SLC15A5: variants seen among roughly 807,000 people sequenced by gnomAD.
The protein encoded by SLC15A5 is solute carrier family 15 member 5.
A neutral mutation model predicts 56.1 loss-of-function variants in SLC15A5; 58 were observed. The observed-to-expected ratio is 1.03, with a 90% CI of 0.84 to 1.29. The LOEUF (loss-of-function observed/expected upper bound fraction) is 1.29, where lower values mean the gene tolerates loss of function less well. Among genes scored for constraint, SLC15A5 ranks in the 50% most tolerant of loss-of-function variants. The pLI is 0.00. For missense variants in SLC15A5, 681 were observed against 672.1 expected (o/e 1.01, Z -0.15); for synonymous variants, 264 against 250.5 (o/e 1.05, Z -0.51).
At chr12:16,257,970 A>T in intron 2 of SLC15A5, 100 bp from the exon 3 acceptor site, 1 of 1,130,770 alleles carries the variant, frequency 8.8e-7, no homozygotes, top group Non-Finnish European at 1.1e-6. Context: ...CTACCAAATG[A>T]TGGCATGTTA....
At chr12:16,203,274 A>G (rs923821460) in intron 7 of SLC15A5, among the ~76,000 whole-genome samples, 5 of 152,132 alleles carry the variant, frequency 3.3e-5, no homozygotes, top group African/African-American at 1.2e-4. Flanking sequence ...TAAAAATAAC[A>G]TGCAATTTAA....
At chr12:16,255,694 A>C (rs11056842) in intron 3 of SLC15A5, among the ~76,000 whole-genome samples, 40 of 152,202 alleles carry the variant, frequency 2.6e-4, no homozygotes, top group African/African-American at 8.2e-4. Flanking sequence ...GTAAAAAAAA[A>C]CCCAAATGTC....
chr12:16,211,663 G>A (rs993058623), intron 7 of SLC15A5, among the ~76,000 whole-genome samples: 5 of 152,124 alleles, frequency 3.3e-5, no homozygotes, highest in African/African-American at 4.8e-5. Context: ...GGATAGAGTC[G>A]AAATAAGCAG....
At chr12:16,221,198 T>A (rs765799903) in intron 6 of SLC15A5, among the ~76,000 whole-genome samples, 1 of 152,226 alleles carries the variant, frequency 6.6e-6, no homozygotes, top group Admixed American at 6.5e-5. Context: ...GATCACCTAT[T>A]TTGTATATGT....
intron 5 of SLC15A5, among the ~76,000 whole-genome samples, chr12:16,238,629 CAA>C (rs36053667): frequency 1.7e-5 from 2 of 116,076 alleles, no homozygotes; most frequent in Admixed American, 9.6e-5. Flanking sequence ...GACTCCGTCT[CAA>C]AAAAAAAAAA....
At position 16,239,845 on chromosome 12, in the gene SLC15A5, T is replaced by C; in HGVS notation, c.998A>G (p.Gln333Arg). Residue 333 changes from glutamine to arginine, a missense_variant, in exon 5 of 9, where the codon CAA becomes CGA. Gln to Arg is a conservative substitution (Grantham distance 43). Coordinates refer to ENST00000344941, the MANE Select transcript of SLC15A5 (RefSeq NM_001170798.1). Reference protein sequence around the residue: ...IMQIPSGYYLQTMNSNLNLDG... With the variant: ...IMQIPSGYYLRTMNSNLNLDG... ...CAAATTCAGGTTGGAATTCATAGTTTGCAGATAATATCCTGAAGGAATCTG... is the reference window on the plus strand; with the variant it reads ...CAAATTCAGGTTGGAATTCATAGTTCGCAGATAATATCCTGAAGGAATCTG... 6.5e-7 allele frequency: 1 copy of C among 1,537,130 alleles called. No individual in the cohort carries two copies. Among genetic ancestry groups the C allele is most frequent in the South Asian group, 1.2e-5 (1 of 84,036 alleles).
intron 6 of SLC15A5, among the ~76,000 whole-genome samples, chr12:16,217,785 G>C (rs1487050300): frequency 6.6e-6 from 1 of 152,074 alleles, no homozygotes; most frequent in Non-Finnish European, 1.5e-5. Context: ...CAGGAGAGGT[G>C]CTGAGAGAGA....
intron 7 of SLC15A5, among the ~76,000 whole-genome samples, chr12:16,209,759 T>C (rs1426697218): frequency 2.0e-5 from 3 of 152,214 alleles, no homozygotes; most frequent in African/African-American, 4.8e-5. Flanking sequence ...ATCTAAAATA[T>C]AGCTTATATC....
chr12:16,224,417 C>T lies in SLC15A5; in HGVS notation c.1348G>A (p.Ala450Thr). The change falls in exon 6 of 9, where the codon GCC (alanine) becomes ACC (threonine). Residue 450 changes from alanine to threonine, a missense_variant. Ala to Thr is a moderately conservative substitution (Grantham distance 58). Transcript: ENST00000344941. ...AGTTGAAAAGGTGTTTACTCACGGG[C>T]TGGGTTTACCAGTGTTTCCGCCACT... ...LGVAETLVNPALSVISYRFVP... is the reference protein window; with the variant it reads ...LGVAETLVNPTLSVISYRFVP... 1 of 1,536,890 alleles carries T rather than the reference C, an allele frequency of 6.5e-7. No homozygotes were observed. Among genetic ancestry groups the T allele is most frequent in the Non-Finnish European group, 8.7e-7 (1 of 1,146,710 alleles).
chr12:16,266,827 G>T (rs188674972), intron 2 of SLC15A5, among the ~76,000 whole-genome samples: 82 of 152,252 alleles, frequency 5.4e-4, no homozygotes, highest in Non-Finnish European at 1.0e-4. Flanking sequence ...GAAAGCAGCA[G>T]TAAAAATATG....
intron 4 of SLC15A5, among the ~76,000 whole-genome samples, chr12:16,241,181 TAGAC>T (rs1378130500): frequency 4.6e-5 from 7 of 152,182 alleles, no homozygotes; most frequent in African/African-American, 1.7e-4. Context: ...TTGAGTGTCA[TAGAC>T]AGAAAGTCAA....
At chr12:16,203,770 C>T (rs1863986425) in intron 7 of SLC15A5, among the ~76,000 whole-genome samples, 1 of 152,078 alleles carries the variant, frequency 6.6e-6, no homozygotes. Flanking sequence ...ATAAAAATTA[C>T]ATGTACCTGA....
At chr12:16,198,732 G>A (rs772631182) in intron 7 of SLC15A5, among the ~76,000 whole-genome samples, 3 of 152,088 alleles carry the variant, frequency 2.0e-5, no homozygotes, top group Non-Finnish European at 4.4e-5. Flanking sequence ...GATTCTTAGA[G>A]CAATTTACAC....
chr12:16,211,613 C>T (rs1029011906), intron 7 of SLC15A5, among the ~76,000 whole-genome samples: 7 of 152,014 alleles, frequency 4.6e-5, no homozygotes, highest in Non-Finnish European at 7.4e-5. Context: ...GGTTTAAGTT[C>T]GAATTCATGA....
chr12:16,272,612 G>GCAC lies in SLC15A5; in HGVS notation c.530_532dup (p.Gly177dup). ...TGATCCATACTCCTGAAGGCCAAAAGCACCCAGTGGACAGACGATGGCTCT... is the reference window on the plus strand; with the variant it reads ...TGATCCATACTCCTGAAGGCCAAAAGCACCACCCAGTGGACAGACGATGGCTCT... On this transcript the variant is annotated inframe_insertion, in exon 2 of 9. Coordinates refer to ENST00000344941, the MANE Select transcript of SLC15A5 (RefSeq NM_001170798.1). The GCAC allele has an allele frequency of 2.6e-6, 4 of 1,536,948 alleles. No individual in the cohort carries two copies. The highest frequency in any genetic ancestry group is 3.5e-6 in the Non-Finnish European group (4 of 1,146,674).
chr12:16,256,554 C>G (rs1188183970), intron 3 of SLC15A5, among the ~76,000 whole-genome samples: 1 of 152,148 alleles, frequency 6.6e-6, no homozygotes, highest in Non-Finnish European at 1.5e-5. Context: ...GTTAAGATTT[C>G]TTTTTAAAAA....
At chr12:16,245,559 G>A (rs895654985) in intron 3 of SLC15A5, among the ~76,000 whole-genome samples, 1 of 152,090 alleles carries the variant, frequency 6.6e-6, no homozygotes, top group Non-Finnish European at 1.5e-5. Context: ...ACTCCATTAG[G>A]ATTTCCTGAT....
At chr12:16,244,881 T>C in intron 3 of SLC15A5, 81 bp from the exon 4 acceptor site, 1 of 1,401,090 alleles carries the variant, frequency 7.1e-7, no homozygotes, top group Non-Finnish European at 9.7e-7. Context: ...AAGATAACGA[T>C]TCAAGGATTC....
At chr12:16,250,426 A>G (rs1864508537) in intron 3 of SLC15A5, among the ~76,000 whole-genome samples, 1 of 152,024 alleles carries the variant, frequency 6.6e-6, no homozygotes, top group African/African-American at 2.4e-5. Flanking sequence ...ACATTGGTGA[A>G]TGCGCTTCAT....
Sources: allele counts gnomAD v4.1 joint callset (sites outside exome capture counted in the v4.1 genomes callset), GRCh38; gene constraint gnomAD v4.1.1; transcripts MANE v1.5; gene names NCBI Gene and HGNC (gene_info 2026-07-23, HGNC 2026-07-21).